The following CADM2 variants were observed in gnomAD, a reference collection of about 807,000 sequenced individuals.
The protein encoded by CADM2 is immunoglobulin superfamily member 4D.
Under a neutral mutation model 49.8 loss-of-function variants are expected in CADM2, and 12 were observed. The observed-to-expected ratio is 0.24, with a 90% CI of 0.15 to 0.39. CADM2 has a LOEUF of 0.39. CADM2 is among the 10% of genes least tolerant of loss of function. CADM2 has a pLI of 1.00. For missense variants in CADM2, 378 were observed against 492.3 expected (o/e 0.77, Z 2.20); for synonymous variants, 214 against 175.4 (o/e 1.22, Z -1.74).
chr3:85,953,144 T>C (rs1373231525), intron 7 of CADM2, among the ~76,000 whole-genome samples: 1 of 150,910 alleles, frequency 6.6e-6, no homozygotes, highest in Non-Finnish European at 1.5e-5. Context: ...AATCATCAGT[T>C]TTCTGGTGTT....
At chr3:86,014,654 T>A in intron 8 of CADM2, 2 of 1,569,092 alleles carry the variant, frequency 1.3e-6, no homozygotes, top group Non-Finnish European at 1.7e-6. Context: ...AATGCTTATC[T>A]CTGGTACCCT....
chr3:85,468,882 T>G (rs1404353350), intron 1 of CADM2, among the ~76,000 whole-genome samples: 1 of 152,156 alleles, frequency 6.6e-6, no homozygotes, highest in Non-Finnish European at 1.5e-5. Context: ...CCTGGGAGAA[T>G]GTAGAGAACC....
chr3:85,382,797 TA>T (rs1341893101), intron 1 of CADM2, among the ~76,000 whole-genome samples: 3 of 152,198 alleles, frequency 2.0e-5, no homozygotes, highest in Non-Finnish European at 2.9e-5. Context: ...TTGACAATTT[TA>T]AAAGAAAATG....
At chr3:86,023,368 G>GTTTGT (rs10588840) in intron 8 of CADM2, among the ~76,000 whole-genome samples, 101 of 124,104 alleles carry the variant, frequency 8.1e-4, no homozygotes, top group Non-Finnish European at 1.5e-3. Flanking sequence ...TTGTTTGTTT[G>GTTTGT]TTTGTTTTGT....
intron 1 of CADM2, among the ~76,000 whole-genome samples, chr3:85,127,165 G>T (rs533582720): frequency 6.6e-6 from 1 of 151,938 alleles, no homozygotes; most frequent in East Asian, 1.9e-4. Context: ...TTTTTAAAGG[G>T]TGATTAAAAA....
intron 8 of CADM2, among the ~76,000 whole-genome samples, chr3:85,978,330 G>T (rs1486913993): frequency 6.6e-6 from 1 of 151,490 alleles, no homozygotes; most frequent in Admixed American, 6.6e-5. Flanking sequence ...TATTTTTTCT[G>T]TATTTGAAGC....
chr3:85,143,776 C>G (rs2039649125), intron 1 of CADM2, among the ~76,000 whole-genome samples: 1 of 152,128 alleles, frequency 6.6e-6, no homozygotes. Context: ...TATTTCTATT[C>G]TTGGCTCCCT....
chr3:85,568,382 A>C (rs2062332624), intron 1 of CADM2, among the ~76,000 whole-genome samples: 1 of 147,392 alleles, frequency 6.8e-6, no homozygotes, highest in Non-Finnish European at 1.5e-5. Flanking sequence ...GTTACCTACA[A>C]TCTTTCCTTC....
intron 1 of CADM2, among the ~76,000 whole-genome samples, chr3:84,963,501 C>T (rs144696796): frequency 2.6e-4 from 39 of 152,206 alleles, no homozygotes; most frequent in African/African-American, 8.9e-4. Flanking sequence ...ACTGTGTTTA[C>T]TTTTTGGAAT....
intron 1 of CADM2, among the ~76,000 whole-genome samples, chr3:84,973,968 T>C (rs1211624905): frequency 6.6e-6 from 1 of 152,118 alleles, no homozygotes; most frequent in Admixed American, 6.6e-5. Context: ...GGATACCATT[T>C]AAGAAGTTTA....
intron 1 of CADM2, among the ~76,000 whole-genome samples, chr3:85,484,531 T>G (rs1455997796): frequency 1.5e-4 from 23 of 151,930 alleles, no homozygotes; most frequent in Admixed American, 1.5e-3. Context: ...AACAGCTACA[T>G]CCATACTAAC....
At chr3:85,163,641 G>A (rs2107672043) in intron 1 of CADM2, among the ~76,000 whole-genome samples, 1 of 152,096 alleles carries the variant, frequency 6.6e-6, no homozygotes, top group Admixed American at 6.6e-5. Context: ...AGAACAGCTT[G>A]TGTTAAAACA....
chr3:85,373,873 C>A (rs1275582795), intron 1 of CADM2, among the ~76,000 whole-genome samples: 3 of 152,142 alleles, frequency 2.0e-5, no homozygotes, highest in Admixed American at 6.5e-5. Context: ...CTGTACAAAG[C>A]AGCAATGCCC....
At chr3:85,037,006 A>AG (rs61226730) in intron 1 of CADM2, among the ~76,000 whole-genome samples, 37,352 of 149,132 alleles carry the variant, frequency 0.25, 5,761 homozygotes, top group Non-Finnish European at 0.35. Flanking sequence ...AGAAAAAAAA[A>AG]AAAAAAAAAA....
intron 1 of CADM2, among the ~76,000 whole-genome samples, chr3:85,197,820 G>A (rs78201743): frequency 0.095 from 14,470 of 151,844 alleles, 858 homozygotes; most frequent in African/African-American, 0.16. Context: ...TTAGGAGTAC[G>A]TATATAATTA....
chr3:85,255,926 A>G (rs760297839), intron 1 of CADM2, among the ~76,000 whole-genome samples: 2 of 152,108 alleles, frequency 1.3e-5, no homozygotes, highest in African/African-American at 2.4e-5. Flanking sequence ...GATGTAATAG[A>G]TATTTTGAAA....
At chr3:85,833,094 T>G (rs1296372915) in intron 3 of CADM2, among the ~76,000 whole-genome samples, 2 of 152,060 alleles carry the variant, frequency 1.3e-5, no homozygotes, top group East Asian at 3.9e-4. Flanking sequence ...TTGTTTTAAA[T>G]TCAGTTTATG....
At chr3:85,080,092 C>A (rs918078436) in intron 1 of CADM2, among the ~76,000 whole-genome samples, 1 of 151,930 alleles carries the variant, frequency 6.6e-6, no homozygotes, top group African/African-American at 2.4e-5. Flanking sequence ...TGAGAAATCT[C>A]AGAAGGGATT....
intron 1 of CADM2, among the ~76,000 whole-genome samples, chr3:85,413,936 C>T (rs1041282561): frequency 2.0e-5 from 3 of 151,988 alleles, no homozygotes; most frequent in Non-Finnish European, 4.4e-5. Context: ...GGGATCTGGG[C>T]CCACTGCAAC....
Sources: allele counts gnomAD v4.1 joint callset (sites outside exome capture counted in the v4.1 genomes callset), GRCh38; gene constraint gnomAD v4.1.1; transcripts MANE v1.5; gene names NCBI Gene and HGNC (gene_info 2026-07-23, HGNC 2026-07-21).